Variants in GPHN observed in about 807,000 individuals in gnomAD.
The protein encoded by GPHN is gephyrin.
In GPHN, 17 loss-of-function variants were observed where a neutral mutation model predicts 95.5. That is an observed-to-expected ratio of 0.18 (90% CI 0.12 to 0.27). GPHN has a LOEUF of 0.27. Among genes scored for constraint, GPHN ranks in the 10% least tolerant of loss-of-function variants. GPHN has a pLI of 1.00. For missense variants in GPHN, 660 were observed against 978.1 expected (o/e 0.67, Z 4.34); for synonymous variants, 320 against 322.5 (o/e 0.99, Z 0.08).
the GPHN span, among the ~76,000 whole-genome samples, chr14:67,489,705 A>G: frequency 6.6e-6 from 1 of 152,142 alleles, no homozygotes; most frequent in East Asian, 1.9e-4. Context: ...AATTCTTTCT[A>G]TGTAGCCGGG....
intron 19 of GPHN, among the ~76,000 whole-genome samples, chr14:67,161,387 T>C (rs1184039994): frequency 6.6e-6 from 1 of 152,056 alleles, no homozygotes; most frequent in East Asian, 1.9e-4. Flanking sequence ...TTTTTTTTTT[T>C]CTGAGCCCAT....
At chr14:66,536,107 T>C (rs1255395752) in intron 1 of GPHN, among the ~76,000 whole-genome samples, 1 of 152,150 alleles carries the variant, frequency 6.6e-6, no homozygotes, top group Non-Finnish European at 1.5e-5. Flanking sequence ...ATTCCTAGTT[T>C]TCTTTTCTTT....
At chr14:67,725,251 G>T in the GPHN span, 5 of 1,613,128 alleles carry the variant, frequency 3.1e-6, no homozygotes, top group Non-Finnish European at 4.2e-6. Context: ...GGGCTTTCTG[G>T]CAGGTGAGGT....
At chr14:67,587,605 C>A in the GPHN span, 1 of 268,040 alleles carries the variant, frequency 3.7e-6, no homozygotes, top group South Asian at 3.7e-5. Context: ...CTGGGGGGGG[C>A]GGGGGACACA....
At chr14:66,636,012 C>G (rs1031445888) in intron 1 of GPHN, among the ~76,000 whole-genome samples, 1 of 152,030 alleles carries the variant, frequency 6.6e-6, no homozygotes, top group African/African-American at 2.4e-5. Flanking sequence ...GATTTTAGAT[C>G]TTTTCAAAGA....
intron 18 of GPHN, among the ~76,000 whole-genome samples, chr14:67,152,391 ATATTTGCC>A (rs2081332765): frequency 1.3e-5 from 2 of 152,232 alleles, no homozygotes; most frequent in Admixed American, 1.3e-4. Context: ...AAAATCTTAC[ATATTTGCC>A]TATGTAAAAA....
At chr14:66,629,237 A>G (rs563595974) in intron 1 of GPHN, among the ~76,000 whole-genome samples, 1 of 146,570 alleles carries the variant, frequency 6.8e-6, no homozygotes, top group Non-Finnish European at 1.5e-5. Flanking sequence ...ATGTATATAA[A>G]TATAAAACAC....
intron 1 of GPHN, among the ~76,000 whole-genome samples, chr14:66,664,293 C>A (rs1416466798): frequency 6.6e-6 from 1 of 152,164 alleles, no homozygotes; most frequent in Non-Finnish European, 1.5e-5. Flanking sequence ...TCTCTTGGAC[C>A]AGAGCACAAT....
At chr14:67,091,069 A>C (rs990316548) in intron 12 of GPHN, among the ~76,000 whole-genome samples, 1 of 151,936 alleles carries the variant, frequency 6.6e-6, no homozygotes, top group Non-Finnish European at 1.5e-5. Flanking sequence ...ATCTCTGAAA[A>C]ATGGCTAACA....
the GPHN span, among the ~76,000 whole-genome samples, chr14:67,456,264 G>A: frequency 6.6e-6 from 1 of 152,142 alleles, no homozygotes; most frequent in Non-Finnish European, 1.5e-5. Context: ...AAACCGCAAT[G>A]AGATACCATC....
intron 8 of GPHN, among the ~76,000 whole-genome samples, chr14:66,963,158 T>A (rs2069071888): frequency 6.6e-6 from 1 of 152,026 alleles, no homozygotes; most frequent in African/African-American, 2.4e-5. Flanking sequence ...CCAAATTATA[T>A]GTCCTAACTT....
At chr14:67,707,021 TCCATA>T in the GPHN span, among the ~76,000 whole-genome samples, 1 of 152,236 alleles carries the variant, frequency 6.6e-6, no homozygotes, top group Non-Finnish European at 1.5e-5. Context: ...TACTCTGTAG[TCCATA>T]CATCAGTAGG....
At chr14:67,446,481 T>G in the GPHN span, among the ~76,000 whole-genome samples, 3 of 152,184 alleles carry the variant, frequency 2.0e-5, no homozygotes, top group Non-Finnish European at 4.4e-5. Context: ...AACAGAGTGA[T>G]GAGGTGCTGA....
At chr14:66,541,532 ATTT>A (rs1322364591) in intron 1 of GPHN, among the ~76,000 whole-genome samples, 1 of 152,200 alleles carries the variant, frequency 6.6e-6, no homozygotes, top group Non-Finnish European at 1.5e-5. Context: ...ATAGTCATTT[ATTT>A]GTATAAATAT....
chr14:66,919,214 C>A (rs1157728591), intron 6 of GPHN, among the ~76,000 whole-genome samples: 1 of 152,144 alleles, frequency 6.6e-6, no homozygotes, highest in Non-Finnish European at 1.5e-5. Flanking sequence ...TGGTTCTCAC[C>A]TCGGTTGTTA....
intron 8 of GPHN, among the ~76,000 whole-genome samples, chr14:66,956,981 G>T (rs950631251): frequency 3.6e-5 from 4 of 111,982 alleles, no homozygotes; most frequent in Admixed American, 3.2e-4. Flanking sequence ...GGGGGAGGGG[G>T]GAGGGATAGC....
At position 66,853,488 on chromosome 14, in the gene GPHN, G is replaced by A. The variant is rs966617742; in HGVS notation, c.295-26451G>A. 3.9e-5 allele frequency among the ~76,000 whole-genome samples: 6 copies of A among 152,190 alleles called. No homozygotes were observed. The East Asian group carries it at 1.2e-3, about 29-fold the overall frequency. On this transcript the variant is annotated intron_variant, in intron 4 of 22. Transcript: ENST00000478722. The stretch of plus-strand genomic sequence containing the variant: ...TTGACACACAGTTCCACATGGCTGG[G>A]GAGACCTCACAATGATGGCTGAAGA...
the GPHN span, among the ~76,000 whole-genome samples, chr14:67,662,188 A>C: frequency 5.9e-5 from 9 of 152,190 alleles, no homozygotes; most frequent in East Asian, 1.5e-3. Flanking sequence ...ACAAAAAAAA[A>C]AACAACAGAT....
At chr14:67,272,071 A>C in the GPHN span, 3 of 152,100 alleles carry the variant, frequency 2.0e-5, no homozygotes, top group African/African-American at 7.2e-5. Context: ...AAAAAAAAAA[A>C]AAAGTTCAAG....
Sources: gnomAD v4.1 joint callset for allele counts (sites outside exome capture counted in the v4.1 genomes callset) on GRCh38, gnomAD v4.1.1 for gene constraint, MANE v1.5 for transcripts, NCBI Gene and HGNC (gene_info 2026-07-23, HGNC 2026-07-21) for gene names.